Variants in XYLT1 observed in about 807,000 individuals in gnomAD.
The protein encoded by XYLT1 is xylosyltransferase 1.
XYLT1 carries 36 observed loss-of-function variants against 91.3 expected under a neutral mutation model. That is an observed-to-expected ratio of 0.39 (90% CI 0.30 to 0.52). XYLT1 has a LOEUF of 0.52. Ranked by LOEUF, XYLT1 falls within the 20% of genes least tolerant of loss-of-function variation. XYLT1 has a pLI of 0.68. For missense variants in XYLT1, 1,242 were observed against 1,284.5 expected (o/e 0.97, Z 0.51); for synonymous variants, 588 against 532.0 (o/e 1.11, Z -1.45).
chr16:17,132,351 G>A (rs184212615), intron 9 of XYLT1, among the ~76,000 whole-genome samples: 3 of 152,058 alleles, frequency 2.0e-5, no homozygotes, highest in Admixed American at 1.3e-4. Context: ...AGAGGAGGTG[G>A]TCCTTGGATG....
intron 5 of XYLT1, among the ~76,000 whole-genome samples, chr16:17,172,246 C>T (rs1439936618): frequency 1.3e-5 from 2 of 151,614 alleles, no homozygotes; most frequent in African/African-American, 4.9e-5. Context: ...CTTTCCTTTT[C>T]CTTTGTCCTT....
At chr16:17,395,497 G>A (rs565773626) in intron 1 of XYLT1, among the ~76,000 whole-genome samples, 7 of 152,280 alleles carry the variant, frequency 4.6e-5, no homozygotes, top group South Asian at 2.1e-4. Context: ...GCAGCACAGC[G>A]AAACCTTATC....
chr16:17,159,014 C>G (rs2031485344), intron 5 of XYLT1, 105 bp from the exon 6 acceptor site: 1 of 974,162 alleles, frequency 1.0e-6, no homozygotes, highest in Non-Finnish European at 1.6e-6. Context: ...GAAGCACCTT[C>G]TCTGATCATT....
At chr16:17,318,027 CA>C (rs1479948561) in intron 2 of XYLT1, among the ~76,000 whole-genome samples, 1 of 152,242 alleles carries the variant, frequency 6.6e-6, no homozygotes, top group Non-Finnish European at 1.5e-5. Flanking sequence ...ACCATTATCA[CA>C]GCACCTTTTC....
intron 5 of XYLT1, among the ~76,000 whole-genome samples, chr16:17,196,972 C>T (rs139006916): frequency 0.01 from 1,543 of 147,678 alleles, 28 homozygotes; most frequent in African/African-American, 0.034. Context: ...GATCACACCA[C>T]TGCACTCCAG....
intron 2 of XYLT1, among the ~76,000 whole-genome samples, chr16:17,299,995 C>T (rs1006231523): frequency 2.6e-5 from 4 of 151,974 alleles, no homozygotes; most frequent in Non-Finnish European, 5.9e-5. Context: ...CAAAAATAAA[C>T]TGTGGGAAGC....
chr16:17,190,555 T>C (rs1408931976), intron 5 of XYLT1, among the ~76,000 whole-genome samples: 1 of 151,810 alleles, frequency 6.6e-6, no homozygotes, highest in Non-Finnish European at 1.5e-5. Flanking sequence ...TTCGGTTTTT[T>C]GTCCTTGCGA....
intron 2 of XYLT1, among the ~76,000 whole-genome samples, chr16:17,320,909 C>T (rs569727201): frequency 1.3e-5 from 2 of 151,988 alleles, no homozygotes; most frequent in African/African-American, 2.4e-5. Context: ...TAAAGGACTT[C>T]GGTAAAATAT....
In XYLT1 at chr16:17,329,788, G is replaced by A. The variant is rs537646150; in HGVS notation, c.402+28224C>T. Among the ~76,000 whole-genome samples the A allele has an allele frequency of 2.8e-4, 43 of 152,312 alleles. No homozygotes were observed. The South Asian group carries it at 8.3e-3, about 29-fold the overall frequency. On this transcript the variant is annotated intron_variant, in intron 2 of 11. Coordinates refer to ENST00000261381, the MANE Select transcript of XYLT1 (RefSeq NM_022166.4). ...ACAGAAGAGGCAGTTAACCATCACAGGGAGGGGCACCAGGCTTGGATCCCA... is the reference window on the plus strand; with the variant it reads ...ACAGAAGAGGCAGTTAACCATCACAAGGAGGGGCACCAGGCTTGGATCCCA...
At chr16:17,241,452 G>A (rs1449108629) in intron 3 of XYLT1, among the ~76,000 whole-genome samples, 1 of 152,260 alleles carries the variant, frequency 6.6e-6, no homozygotes, top group East Asian at 1.9e-4. Flanking sequence ...CTGGCCCACT[G>A]CCGTGGCTTC....
At chr16:17,245,459 T>C (rs528941722) in intron 3 of XYLT1, among the ~76,000 whole-genome samples, 4 of 152,300 alleles carry the variant, frequency 2.6e-5, no homozygotes, top group Admixed American at 2.6e-4. Flanking sequence ...CTCCTCAAAA[T>C]TGCGAAGAAT....
chr16:17,436,196 C>T (rs758309108), intron 1 of XYLT1, among the ~76,000 whole-genome samples: 16 of 152,180 alleles, frequency 1.1e-4, no homozygotes, highest in African/African-American at 3.6e-4. Flanking sequence ...GTTAGAACTT[C>T]GAGTCAATTA....
At chr16:17,233,085 A>G (rs777884738) in intron 3 of XYLT1, among the ~76,000 whole-genome samples, 4 of 152,118 alleles carry the variant, frequency 2.6e-5, no homozygotes, top group Non-Finnish European at 5.9e-5. Context: ...GGGGCCGTTT[A>G]ATAAATGCAT....
chr16:17,134,246 G>T (rs1007283792), intron 9 of XYLT1, among the ~76,000 whole-genome samples: 1 of 152,138 alleles, frequency 6.6e-6, no homozygotes, highest in Non-Finnish European at 1.5e-5. Flanking sequence ...TAAAATCATT[G>T]GGTACATAGG....
chr16:17,282,610 G>A (rs567922289), intron 2 of XYLT1, among the ~76,000 whole-genome samples: 18 of 152,312 alleles, frequency 1.2e-4, no homozygotes, highest in Non-Finnish European at 2.4e-4. Flanking sequence ...TTGATGCACT[G>A]GGAACCCCCA....
intron 2 of XYLT1, among the ~76,000 whole-genome samples, chr16:17,302,237 A>G (rs1422560378): frequency 6.6e-6 from 1 of 151,954 alleles, no homozygotes; most frequent in African/African-American, 2.4e-5. Context: ...TACTAATAAT[A>G]ATAATAATAA....
intron 5 of XYLT1, among the ~76,000 whole-genome samples, chr16:17,177,184 C>G (rs1305982073): frequency 6.6e-6 from 1 of 152,140 alleles, no homozygotes; most frequent in Non-Finnish European, 1.5e-5. Context: ...AATTCCTCCT[C>G]TTCTTTCAAC....
intron 5 of XYLT1, among the ~76,000 whole-genome samples, chr16:17,171,035 G>C (rs2031809373): frequency 6.6e-6 from 1 of 152,176 alleles, no homozygotes; most frequent in African/African-American, 2.4e-5. Flanking sequence ...TCTGTTGCTT[G>C]CAACTACAAA....
At chr16:17,199,590 T>C (rs1351857091) in intron 4 of XYLT1, among the ~76,000 whole-genome samples, 2 of 152,200 alleles carry the variant, frequency 1.3e-5, no homozygotes, top group East Asian at 1.9e-4. Context: ...CAGTGGGAGA[T>C]AACTGAATCA....
Sources: allele counts gnomAD v4.1 joint callset (sites outside exome capture counted in the v4.1 genomes callset), GRCh38; gene constraint gnomAD v4.1.1; transcripts MANE v1.5; gene names NCBI Gene and HGNC (gene_info 2026-07-23, HGNC 2026-07-21).